NRXN3: variants seen among roughly 807,000 people sequenced by gnomAD.
NRXN3 encodes neurexin 3.
NRXN3 carries 32 observed loss-of-function variants against 137.6 expected under a neutral mutation model. That is an observed-to-expected ratio of 0.23 (90% CI 0.18 to 0.31). The LOEUF (loss-of-function observed/expected upper bound fraction) is 0.31. NRXN3 is among the 10% of genes least tolerant of loss of function. The pLI, the probability that NRXN3 is intolerant of heterozygous loss-of-function variation, is 1.00. For synonymous variants in NRXN3, 798 were observed against 784.5 expected (o/e 1.02, Z -0.29); for missense variants, 1,574 against 2,062.5 (o/e 0.76, Z 4.59).
chr14:79,090,306 G>A (rs961573956), intron 15 of NRXN3, among the ~76,000 whole-genome samples: 6 of 152,060 alleles, frequency 3.9e-5, no homozygotes, highest in African/African-American at 1.2e-4. Flanking sequence ...GATGTGTATA[G>A]CATTAGATGA....
chr14:79,680,293 G>A (rs143757189), intron 17 of NRXN3, among the ~76,000 whole-genome samples: 1 of 152,244 alleles, frequency 6.6e-6, no homozygotes, highest in East Asian at 1.9e-4. Context: ...GGGAAGGCGG[G>A]AAAATTGCTT....
chr14:78,683,622 G>A (rs1384848075), intron 6 of NRXN3, among the ~76,000 whole-genome samples: 1 of 152,210 alleles, frequency 6.6e-6, no homozygotes, highest in African/African-American at 2.4e-5. Context: ...AGTGGAGCAA[G>A]ATTCCGCAGA....
chr14:79,844,531 T>TA (rs1371428631), intron 20 of NRXN3, among the ~76,000 whole-genome samples: 1 of 152,044 alleles, frequency 6.6e-6, no homozygotes, highest in African/African-American at 2.4e-5. Flanking sequence ...AAAACAATGT[T>TA]AGTCTCCTTG....
At chr14:79,708,925 T>G (rs112460474) in intron 19 of NRXN3, among the ~76,000 whole-genome samples, 1,574 of 152,240 alleles carry the variant, frequency 0.01, 25 homozygotes, top group African/African-American at 0.034. Flanking sequence ...GATTGACTTG[T>G]GTGTATAATG....
At chr14:79,138,067 T>C (rs1333976534) in intron 15 of NRXN3, among the ~76,000 whole-genome samples, 3 of 152,208 alleles carry the variant, frequency 2.0e-5, no homozygotes, top group Non-Finnish European at 4.4e-5. Context: ...AAAAAAACAA[T>C]AAATGATTTT....
Position 79,864,076 on chromosome 14 carries a change from C to T in NRXN3, c.*2112C>T, listed in dbSNP as rs533184694. ...GCACGATTTTAGATAACCTAAACGG[C>T]CCAGCCTATACGAAGTTGATTATAT... On this transcript the variant is annotated 3_prime_UTR_variant, in exon 21 of 21. Coordinates refer to ENST00000335750, the MANE Select transcript of NRXN3 (RefSeq NM_001330195.2). 1 of 152,680 alleles carries T rather than the reference C, an allele frequency of 6.5e-6. No homozygotes were observed. The highest frequency in any genetic ancestry group is 3.4e-3 in the Middle Eastern group (1 of 294). 9.5% of individuals were successfully genotyped at this position (152,680 alleles called of 1,614,324 possible). A position where few individuals can be genotyped will look rare whatever the true frequency, so the allele number is the denominator to read the frequency against.
chr14:78,236,457 A>G (rs981030775), intron 1 of NRXN3, among the ~76,000 whole-genome samples: 2 of 152,162 alleles, frequency 1.3e-5, no homozygotes, highest in African/African-American at 4.8e-5. Flanking sequence ...ATAGACTACA[A>G]TTTATCCACT....
Position 78,917,862 on chromosome 14 carries a change from T to G in NRXN3, c.2276-39380T>G, listed in dbSNP as rs1273849856. On this transcript the variant is annotated intron_variant, in intron 10 of 20. Coordinates refer to ENST00000335750, the MANE Select transcript of NRXN3 (RefSeq NM_001330195.2). ...GGTGGGATGCTCTTCATAGGAGATA[T>G]TCTCCTAATGTACATTACAAAGTCA... Among the ~76,000 whole-genome samples, 3 of 151,926 alleles carry G rather than the reference T, an allele frequency of 2.0e-5. No homozygotes were observed. The East Asian group carries it at 5.8e-4, about 29-fold the overall frequency.
chr14:78,254,034 G>T (rs573812346), intron 2 of NRXN3, among the ~76,000 whole-genome samples: 2 of 152,170 alleles, frequency 1.3e-5, no homozygotes, highest in African/African-American at 2.4e-5. Context: ...ATGATGCTTC[G>T]CAGGAATTAA....
At chr14:79,798,845 G>A (rs996001020) in intron 19 of NRXN3, among the ~76,000 whole-genome samples, 2 of 152,232 alleles carry the variant, frequency 1.3e-5, no homozygotes, top group South Asian at 2.1e-4. Flanking sequence ...GATTAATAAC[G>A]AAGAACAGTG....
At chr14:78,968,378 G>A in intron 14 of NRXN3, 32 bp downstream of exon 14, 1 of 1,601,958 alleles carries the variant, frequency 6.2e-7, no homozygotes, top group Non-Finnish European at 8.5e-7. Flanking sequence ...TTAAGCTACA[G>A]CCTTGTTGCA....
chr14:79,085,712 G>A (rs2047962850), intron 15 of NRXN3, among the ~76,000 whole-genome samples: 2 of 152,262 alleles, frequency 1.3e-5, no homozygotes, highest in South Asian at 2.1e-4. Flanking sequence ...AGAATTAGAT[G>A]GCGAGAAGAA....
At chr14:78,707,693 A>G (rs1368167797) in intron 6 of NRXN3, among the ~76,000 whole-genome samples, 1 of 152,074 alleles carries the variant, frequency 6.6e-6, no homozygotes, top group Non-Finnish European at 1.5e-5. Flanking sequence ...GTAGTCTTTT[A>G]TTCCTCACCC....
chr14:79,202,420 GC>G (rs1270073821), intron 15 of NRXN3, among the ~76,000 whole-genome samples: 6 of 152,088 alleles, frequency 3.9e-5, no homozygotes, highest in African/African-American at 1.4e-4. Context: ...GGTACAGGTG[GC>G]ATTCGGTTAC....
intron 5 of NRXN3, 61 bp from the exon 6 acceptor site, chr14:78,651,104 G>A (rs1043379131): frequency 4.7e-6 from 7 of 1,499,402 alleles, no homozygotes; most frequent in Non-Finnish European, 6.4e-6. Context: ...AAGCCACTGG[G>A]TTATGATAGG....
At chr14:78,382,979 C>G (rs1181141591) in intron 4 of NRXN3, among the ~76,000 whole-genome samples, 1 of 152,028 alleles carries the variant, frequency 6.6e-6, no homozygotes, top group Non-Finnish European at 1.5e-5. Context: ...TGTTCTCATG[C>G]CATTTAAGCC....
Position 78,514,417 on chromosome 14 carries a change from G to A in NRXN3, c.758-130703G>A, listed in dbSNP as rs145879293. Among the ~76,000 whole-genome samples, 53 of 152,220 alleles carry A rather than the reference G, an allele frequency of 3.5e-4. No individual in the cohort carries two copies. The East Asian group carries it at 9.3e-3, about 27-fold the overall frequency. ...GATCAGAGGCATAAATATGCAAGGA[G>A]TCTTGGGTGGAATCACAAAGTTTAG... On this transcript the variant is annotated intron_variant, in intron 4 of 20. Coordinates refer to ENST00000335750, the MANE Select transcript of NRXN3 (RefSeq NM_001330195.2).
chr14:78,834,860 A>C (rs1340083276), intron 10 of NRXN3, among the ~76,000 whole-genome samples: 1 of 152,132 alleles, frequency 6.6e-6, no homozygotes, highest in African/African-American at 2.4e-5. Flanking sequence ...AAGAACCGAC[A>C]TACAGCCTAC....
intron 15 of NRXN3, among the ~76,000 whole-genome samples, chr14:79,365,676 G>A (rs1477814823): frequency 7.6e-6 from 1 of 131,584 alleles, no homozygotes; most frequent in Non-Finnish European, 1.5e-5. Context: ...CCGAGATTGC[G>A]CCACTGCAGT....
Sources: allele counts gnomAD v4.1 joint callset (sites outside exome capture counted in the v4.1 genomes callset), GRCh38; gene constraint gnomAD v4.1.1; transcripts MANE v1.5; gene names NCBI Gene and HGNC (gene_info 2026-07-23, HGNC 2026-07-21).